CLPB: variants seen among roughly 807,000 people sequenced by gnomAD.
The protein encoded by CLPB is ClpB family mitochondrial disaggregase, also known as mitochondrial disaggregase.
A neutral mutation model predicts 78.4 loss-of-function variants in CLPB; 40 were observed. That is an observed-to-expected ratio of 0.51 (90% CI 0.40 to 0.66). The LOEUF is 0.66. Among genes scored for constraint, CLPB ranks in the 30% least tolerant of loss-of-function variants. CLPB has a pLI of 0.00. For synonymous variants in CLPB, 333 were observed against 348.0 expected (o/e 0.96, Z 0.48); for missense variants, 780 against 886.9 (o/e 0.88, Z 1.53).
chr11:72,302,513 T>A (rs1487446973), intron 9 of CLPB, 165 bp from the exon 10 acceptor site: 1 of 646,898 alleles, frequency 1.5e-6, no homozygotes, highest in Non-Finnish European at 2.8e-6. Context: ...TGTCTCCTTT[T>A]CTGTGCACTC....
chr11:72,422,265 CAAAAAAAA>C (rs71469431), intron 2 of CLPB, among the ~76,000 whole-genome samples: 1 of 24,976 alleles, frequency 4.0e-5, no homozygotes, highest in Non-Finnish European at 9.4e-5. Context: ...GACTCCGTCT[CAAAAAAAA>C]AAAAAAAAAA....
At chr11:72,317,081 C>A (rs199750500) in intron 7 of CLPB, 25 bp downstream of exon 7, 9 of 1,556,382 alleles carry the variant, frequency 5.8e-6, no homozygotes, top group Non-Finnish European at 7.9e-6. Context: ...ACCACTCTGC[C>A]CTTTCTGGTG....
At chr11:72,416,526 A>G (rs1305594993) in intron 2 of CLPB, among the ~76,000 whole-genome samples, 1 of 152,092 alleles carries the variant, frequency 6.6e-6, no homozygotes. Context: ...ACCTGAGGTC[A>G]GGAGTTCGAG....
intron 5 of CLPB, 51 bp from the exon 6 acceptor site, chr11:72,329,855 C>A: frequency 7.0e-7 from 1 of 1,421,026 alleles, no homozygotes; most frequent in South Asian, 1.2e-5. Context: ...TCAGTGGGAC[C>A]TCAGCCTTCC....
At chr11:72,310,133 G>C (rs1438536363) in intron 7 of CLPB, among the ~76,000 whole-genome samples, 1 of 152,136 alleles carries the variant, frequency 6.6e-6, no homozygotes, top group African/African-American at 2.4e-5. Flanking sequence ...TGAAGGTCTG[G>C]AATACTGTTT....
rs779875954 is a variant in CLPB at position 72,292,661 on chromosome 11, G to A, written c.*706C>T. On this transcript the variant is annotated 3_prime_UTR_variant, in exon 16 of 16. Coordinates refer to ENST00000538039, the MANE Select transcript of CLPB (RefSeq NM_001258392.3). Reference sequence around the variant, plus strand: ...TGCTGCTCAGTCTGAGTAGGGGAGGGTAATGAACCAGTCAGGCCTCCTCCT... The same window carrying A: ...TGCTGCTCAGTCTGAGTAGGGGAGGATAATGAACCAGTCAGGCCTCCTCCT... 4 of 152,282 alleles carry A rather than the reference G, an allele frequency of 2.6e-5. No individual in the cohort carries two copies. The highest frequency in any genetic ancestry group is 6.5e-5 in the Admixed American group (1 of 15,282). The allele number at this position is 152,282 out of a possible 1,614,324, so 9.4% of individuals were successfully genotyped here. A position where few individuals can be genotyped will look rare whatever the true frequency, so the allele number is the denominator to read the frequency against.
chr11:72,373,729 T>C (rs569436259), intron 4 of CLPB, among the ~76,000 whole-genome samples: 228 of 152,250 alleles, frequency 1.5e-3, no homozygotes, highest in African/African-American at 5.2e-3. Flanking sequence ...GTGGATCACC[T>C]GAGGTCTGCA....
chr11:72,359,994 T>A (rs777682078), intron 4 of CLPB, among the ~76,000 whole-genome samples: 8 of 152,220 alleles, frequency 5.3e-5, no homozygotes, highest in South Asian at 2.1e-4. Context: ...GGTTTTCTTC[T>A]GCTGTTATAG....
intron 5 of CLPB, among the ~76,000 whole-genome samples, chr11:72,339,569 T>A (rs543674181): frequency 2.2e-4 from 34 of 152,346 alleles, no homozygotes; most frequent in Admixed American, 5.9e-4. Flanking sequence ...GGAGGTTTCC[T>A]ACTTATATAC....
At chr11:72,342,256 G>A (rs577621293) in intron 5 of CLPB, among the ~76,000 whole-genome samples, 1 of 152,322 alleles carries the variant, frequency 6.6e-6, no homozygotes, top group South Asian at 2.1e-4. Context: ...AGGTAGATCA[G>A]TGTGGTTAGA....
At chr11:72,321,823 C>T (rs921136879) in intron 6 of CLPB, among the ~76,000 whole-genome samples, 1 of 152,112 alleles carries the variant, frequency 6.6e-6, no homozygotes, top group African/African-American at 2.4e-5. Flanking sequence ...TAGATAAACT[C>T]GGGTATGCCC....
chr11:72,383,485 C>T (rs1033817142), intron 3 of CLPB, among the ~76,000 whole-genome samples: 15 of 149,300 alleles, frequency 1.0e-4, no homozygotes, highest in Middle Eastern at 3.5e-3. Flanking sequence ...GAGCCAAGAT[C>T]GCACCACTGC....
At chr11:72,359,486 G>A (rs1950792667) in intron 4 of CLPB, among the ~76,000 whole-genome samples, 1 of 152,236 alleles carries the variant, frequency 6.6e-6, no homozygotes, top group Non-Finnish European at 1.5e-5. Context: ...TAAGGAAAGA[G>A]TGGGGCAGGA....
intron 5 of CLPB, 62 bp downstream of exon 5, chr11:72,358,818 C>T (rs1262380459): frequency 1.3e-5 from 2 of 149,224 alleles, no homozygotes; most frequent in Non-Finnish European, 2.8e-5. Context: ...CCTCCTCCAC[C>T]CCCCCCACCC....
At chr11:72,388,073 C>A (rs550104208) in intron 3 of CLPB, among the ~76,000 whole-genome samples, 2 of 152,148 alleles carry the variant, frequency 1.3e-5, no homozygotes, top group South Asian at 4.2e-4. Flanking sequence ...TGCCCTTGGT[C>A]CCAGAGGGCA....
At chr11:72,321,618 A>G (rs1192667086) in intron 6 of CLPB, among the ~76,000 whole-genome samples, 1 of 152,186 alleles carries the variant, frequency 6.6e-6, no homozygotes, top group Non-Finnish European at 1.5e-5. Context: ...AGGCATCCCA[A>G]CTGTTGGGCA....
At chr11:72,428,408 C>T (rs1347091875) in intron 2 of CLPB, among the ~76,000 whole-genome samples, 1 of 152,218 alleles carries the variant, frequency 6.6e-6, no homozygotes, top group African/African-American at 2.4e-5. Flanking sequence ...CAAAACTCCT[C>T]ACCCTGGGCA....
At chr11:72,317,535 G>C (rs1490609151) in intron 6 of CLPB, among the ~76,000 whole-genome samples, 2 of 152,200 alleles carry the variant, frequency 1.3e-5, no homozygotes. Flanking sequence ...CCTGGAGCAA[G>C]TTATTTCACC....
At position 72,380,308 on chromosome 11, in the gene CLPB, T is replaced by C. The variant is rs146588273; in HGVS notation, c.619A>G (p.Lys207Glu). ...TCCAAAGAATGGATTCCCTGTTCCTTGGCAGTCTTGTAAACACTGCTGAAA... is the reference window on the plus strand; with the variant it reads ...TCCAAAGAATGGATTCCCTGTTCCTCGGCAGTCTTGTAAACACTGCTGAAA... ...DDFSSVYKTAKEQGIHSLEVL... is the reference protein window; with the variant it reads ...DDFSSVYKTAEEQGIHSLEVL... The change falls in exon 4 of 16, where the codon AAG becomes GAG. Residue 207 changes from lysine (K) to glutamate (E), a missense_variant. Physicochemically the swap from Lys to Glu is moderately conservative, Grantham distance 56. This residue lies in a region of CLPB where 417 missense variants were observed against 414.7 expected (regional missense o/e 1.01). Transcript: ENST00000538039. The C allele has an allele frequency of 2.5e-4, 402 of 1,614,048 alleles. 1 individual carries two copies. In the East Asian group the frequency reaches 7.6e-3, roughly 31 times the overall value.
Sources: gnomAD v4.1 joint callset for allele counts (sites outside exome capture counted in the v4.1 genomes callset) on GRCh38, gnomAD v4.1.1 for gene constraint, gnomAD v4.1.1 regional missense constraint, MANE v1.5 for transcripts, NCBI Gene and HGNC (gene_info 2026-07-23, HGNC 2026-07-21) for gene names.